CUX1: variants seen among roughly 807,000 people sequenced by gnomAD.
CUX1 encodes the protein protein CASP.
In CUX1, 31 loss-of-function variants were observed where a neutral mutation model predicts 158.8. That is an observed-to-expected ratio of 0.20 (90% CI 0.15 to 0.26). The LOEUF is 0.26. CUX1 is among the 10% of genes least tolerant of loss of function. The pLI is 1.00. For synonymous variants in CUX1, 879 were observed against 862.1 expected (o/e 1.02, Z -0.34); for missense variants, 1,589 against 2,014.6 (o/e 0.79, Z 4.04).
At chr7:102,085,829 A>G (rs1827902081) in intron 4 of CUX1, among the ~76,000 whole-genome samples, 1 of 152,220 alleles carries the variant, frequency 6.6e-6, no homozygotes, top group Admixed American at 6.5e-5. Context: ...ATTTGCTGAA[A>G]GAGTTTGTAT....
At chr7:102,042,261 A>G (rs546169101) in intron 3 of CUX1, among the ~76,000 whole-genome samples, 4 of 152,270 alleles carry the variant, frequency 2.6e-5, no homozygotes, top group African/African-American at 9.6e-5. Flanking sequence ...ACAGCTCCCC[A>G]GGCTCCTACC....
chr7:101,823,240 C>T (rs1365366144), intron 1 of CUX1, among the ~76,000 whole-genome samples: 3 of 152,118 alleles, frequency 2.0e-5, no homozygotes, highest in Non-Finnish European at 4.4e-5. Context: ...CCTCAGGGGT[C>T]TTCCTACACA....
chr7:102,144,825 C>T (rs1357718922), intron 8 of CUX1, among the ~76,000 whole-genome samples: 3 of 152,010 alleles, frequency 2.0e-5, no homozygotes, highest in South Asian at 2.1e-4. Flanking sequence ...CAATGGCTCA[C>T]GTCTGTAATC....
intron 2 of CUX1, among the ~76,000 whole-genome samples, chr7:101,980,646 T>C (rs1813311992): frequency 6.6e-6 from 1 of 152,206 alleles, no homozygotes. Flanking sequence ...CCTCTCCCGC[T>C]TCTGACTCAG....
chr7:102,142,500 C>T (rs1026424397), intron 8 of CUX1, among the ~76,000 whole-genome samples: 9 of 152,182 alleles, frequency 5.9e-5, no homozygotes, highest in Non-Finnish European at 1.0e-4. Flanking sequence ...TAGTTCACAC[C>T]TGTAAGCCCA....
Position 102,070,471 on chromosome 7 carries a change from G to A in CUX1, c.268+54G>A, listed in dbSNP as rs189896303. The A allele has an allele frequency of 1.5e-3, 2,182 of 1,437,386 alleles. 13 individuals are homozygous for A. In the Middle Eastern group the frequency reaches 0.017, roughly 11 times the overall value. The allele number at this position is 1,437,386 out of a possible 1,614,324, so 89.0% of individuals were successfully genotyped here. On this transcript the variant is annotated intron_variant, in intron 4 of 23. Transcript: ENST00000292535. ...TGGGGGGCGTTGTGTCTGGTGAGTCGGTGGGTTTTTGGCTCATTCTTCTTG... is the reference window on the plus strand; with the variant it reads ...TGGGGGGCGTTGTGTCTGGTGAGTCAGTGGGTTTTTGGCTCATTCTTCTTG...
chr7:102,079,175 C>T (rs2130717142), intron 4 of CUX1, among the ~76,000 whole-genome samples: 1 of 152,296 alleles, frequency 6.6e-6, no homozygotes, highest in East Asian at 1.9e-4. Context: ...TGGTGACTCA[C>T]GCCTATAATG....
intron 2 of CUX1, among the ~76,000 whole-genome samples, chr7:101,969,273 T>C (rs910060738): frequency 6.8e-6 from 1 of 147,492 alleles, no homozygotes; most frequent in Non-Finnish European, 1.5e-5. Flanking sequence ...AGTTCCAGGA[T>C]GCATTGAGCC....
In CUX1 at chr7:101,954,346, T is replaced by A. The variant is rs138181656; in HGVS notation, c.141+38121T>A. On this transcript the variant is annotated intron_variant, in intron 2 of 23. Coordinates refer to ENST00000292535, the MANE Select transcript of CUX1 (RefSeq NM_181552.4). ...GCCTGGGTGACAGAGTGAGACCCTG[T>A]CTCAACAAAATAAAATTGTAACCCA... 3.1e-3 allele frequency among the ~76,000 whole-genome samples: 468 copies of A among 152,320 alleles called. 2 individuals carry two copies. The highest frequency in any genetic ancestry group is 5.4e-3 in the Admixed American group (83 of 15,300).
intron 1 of CUX1, among the ~76,000 whole-genome samples, chr7:101,911,596 G>A (rs572516781): frequency 2.2e-4 from 33 of 149,750 alleles, no homozygotes; most frequent in Non-Finnish European, 4.5e-4. Flanking sequence ...ACCTTGGCCC[G>A]CCAGTGGATG....
intron 1 of CUX1, among the ~76,000 whole-genome samples, chr7:101,874,573 C>T (rs1007907988): frequency 3.9e-5 from 6 of 152,134 alleles, no homozygotes; most frequent in Non-Finnish European, 5.9e-5. Flanking sequence ...GACGTTTCTG[C>T]GAGGTGGTGG....
intron 11 of CUX1, among the ~76,000 whole-genome samples, chr7:102,185,113 G>A (rs936415929): frequency 3.3e-5 from 5 of 152,166 alleles, no homozygotes; most frequent in Admixed American, 6.5e-5. Context: ...GCTGAGATCC[G>A]CAGACCTTCA....
At chr7:102,018,138 T>C (rs10253815) in intron 2 of CUX1, among the ~76,000 whole-genome samples, 1 of 151,312 alleles carries the variant, frequency 6.6e-6, no homozygotes, top group South Asian at 2.1e-4. Context: ...TTTAGAAACT[T>C]TTTGTAGAGC....
In CUX1 at chr7:102,256,700, G is replaced by A. The variant is rs532112300; in HGVS notation, c.*7658G>A. 3.0e-6 allele frequency: 3 copies of A among 985,450 alleles called. No homozygotes were observed. The East Asian group carries it at 3.4e-4, about 112-fold the overall frequency. The allele number at this position is 985,450 out of a possible 1,614,324, so 61.0% of individuals were successfully genotyped here. ...TTCAGAGGAATCTTAGCAAAGCCAA[G>A]TTCAGTTCCCCAAAGCCTCCTAGAG... On this transcript the variant is annotated 3_prime_UTR_variant, in exon 24 of 24. Transcript: ENST00000292535.
At chr7:101,974,543 G>A (rs1812400488) in intron 2 of CUX1, among the ~76,000 whole-genome samples, 1 of 152,224 alleles carries the variant, frequency 6.6e-6, no homozygotes, top group African/African-American at 2.4e-5. Flanking sequence ...CACAGGCTAT[G>A]AGATGAAAGT....
intron 8 of CUX1, among the ~76,000 whole-genome samples, chr7:102,137,696 A>G (rs1489814252): frequency 6.6e-6 from 1 of 152,112 alleles, no homozygotes; most frequent in African/African-American, 2.4e-5. Context: ...TAGTAGGATT[A>G]CACTTTTAAA....
chr7:102,123,235 A>G (rs1197180705), intron 8 of CUX1, among the ~76,000 whole-genome samples: 1 of 151,202 alleles, frequency 6.6e-6, no homozygotes, highest in Middle Eastern at 3.2e-3. Flanking sequence ...TGTCTCAAAA[A>G]TAAAAAAAAA....
chr7:101,870,916 C>T (rs533926870), intron 1 of CUX1, among the ~76,000 whole-genome samples: 6 of 152,336 alleles, frequency 3.9e-5, no homozygotes, highest in South Asian at 4.1e-4. Flanking sequence ...CCTAGTTCCA[C>T]GCACATGTCA....
chr7:101,816,615 G>A (rs1287953245), upstream of CUX1, among the ~76,000 whole-genome samples: 1 of 144,286 alleles, frequency 6.9e-6, no homozygotes, highest in Non-Finnish European at 1.5e-5. Context: ...CCGTATTCCC[G>A]GGGAAAGTTT....
Sources: allele counts gnomAD v4.1 joint callset (sites outside exome capture counted in the v4.1 genomes callset), GRCh38; gene constraint gnomAD v4.1.1; transcripts MANE v1.5; gene names NCBI Gene and HGNC (gene_info 2026-07-23, HGNC 2026-07-21).